The following DCDC2 variants were observed in gnomAD, a reference collection of about 807,000 sequenced individuals.
DCDC2 encodes the protein doublecortin domain containing 2.
Under a neutral mutation model 50.2 loss-of-function variants are expected in DCDC2, and 40 were observed. The ratio of observed to expected loss-of-function variants is 0.80; its 90% CI spans 0.62 to 1.04. The LOEUF is 1.04. Ranked by LOEUF, DCDC2 falls within the 50% of genes least tolerant of loss-of-function variation. DCDC2 has a pLI of 0.00. For synonymous variants in DCDC2, 234 were observed against 210.6 expected (o/e 1.11, Z -0.96); for missense variants, 570 against 581.9 (o/e 0.98, Z 0.21).
chr6:24,317,862 T>TA (rs533674010), intron 2 of DCDC2, among the ~76,000 whole-genome samples: 3 of 151,784 alleles, frequency 2.0e-5, no homozygotes, highest in African/African-American at 4.8e-5. Context: ...TTCATGTTTT[T>TA]AAAAAAAATC....
chr6:24,246,002 TTTTA>T (rs986777976), intron 7 of DCDC2, among the ~76,000 whole-genome samples: 6 of 152,166 alleles, frequency 3.9e-5, no homozygotes, highest in African/African-American at 1.4e-4. Context: ...TTATTTTTAT[TTTTA>T]TTTATTTATT....
chr6:24,323,697 T>G (rs77850756), intron 2 of DCDC2, among the ~76,000 whole-genome samples: 1,863 of 152,280 alleles, frequency 0.012, 42 homozygotes, highest in African/African-American at 0.041. Flanking sequence ...CAAGCACAAG[T>G]ATGTACTTAC....
At chr6:24,267,918 GA>G (rs1042754248) in intron 7 of DCDC2, among the ~76,000 whole-genome samples, 5 of 152,246 alleles carry the variant, frequency 3.3e-5, no homozygotes, top group African/African-American at 1.2e-4. Context: ...ATTTTCATCA[GA>G]AATTCCCCAA....
intron 8 of DCDC2, among the ~76,000 whole-genome samples, chr6:24,196,193 T>A (rs996512845): frequency 7.2e-6 from 1 of 138,444 alleles, no homozygotes; most frequent in African/African-American, 2.8e-5. Flanking sequence ...TAATTAGGAT[T>A]TTTTTTTTCC....
intron 1 of DCDC2, among the ~76,000 whole-genome samples, chr6:24,356,643 A>C (rs1760472526): frequency 5.8e-4 from 2 of 3,430 alleles, no homozygotes; most frequent in African/African-American, 6.8e-4. Flanking sequence ...ACATAACTTT[A>C]TTTTTCTATG....
chr6:24,217,886 C>G lies in DCDC2; in HGVS notation c.923-12784G>C, dbSNP rs556893390. Among the ~76,000 whole-genome samples the G allele has an allele frequency of 3.3e-5, 5 of 152,276 alleles. No homozygotes were observed. In the South Asian group the frequency reaches 1.0e-3, roughly 32 times the overall value. On this transcript the variant is annotated intron_variant, in intron 7 of 9. Coordinates refer to ENST00000378454, the MANE Select transcript of DCDC2 (RefSeq NM_016356.5). ...AGAAGTTATAATGTACTCAGTTTAG[C>G]ATATCTGTTCTGACTATGCATAAAG...
chr6:24,230,324 T>C (rs554246121), intron 7 of DCDC2, among the ~76,000 whole-genome samples: 19 of 151,826 alleles, frequency 1.3e-4, no homozygotes, highest in Non-Finnish European at 2.2e-4. Flanking sequence ...AATACAGTAG[T>C]AATTGAAAAC....
At chr6:24,197,536 C>A (rs969700538) in intron 8 of DCDC2, among the ~76,000 whole-genome samples, 1 of 152,146 alleles carries the variant, frequency 6.6e-6, no homozygotes, top group African/African-American at 2.4e-5. Flanking sequence ...GTTTCACTTT[C>A]CCTCAGGAAA....
chr6:24,315,927 G>C (rs1418031888), intron 2 of DCDC2, among the ~76,000 whole-genome samples: 1 of 152,190 alleles, frequency 6.6e-6, no homozygotes, highest in Non-Finnish European at 1.5e-5. Context: ...AGCTTTTCCT[G>C]GGGGATGACT....
rs115323069 is a variant in DCDC2, at chr6:24,314,665, T to C, written c.349-12621A>G. ...ACTGTTTAAAAAAATGAACATTGAC[T>C]AGATCAGCTAGGTTTTTAATATAAT... is the stretch of plus-strand genomic sequence containing the variant. On this transcript the variant is annotated intron_variant, in intron 2 of 9. Coordinates refer to ENST00000378454, the MANE Select transcript of DCDC2 (RefSeq NM_016356.5). Among the ~76,000 whole-genome samples, 876 of 152,214 alleles carry C rather than the reference T, an allele frequency of 5.8e-3. 4 individuals are homozygous for C. Among genetic ancestry groups the C allele is most frequent in the South Asian group, 0.011 (54 of 4,826 alleles).
chr6:24,319,651 C>T (rs1352446021), intron 2 of DCDC2, among the ~76,000 whole-genome samples: 1 of 152,088 alleles, frequency 6.6e-6, no homozygotes, highest in Non-Finnish European at 1.5e-5. Flanking sequence ...GTATGCTACC[C>T]TACATATAGG....
chr6:24,331,937 T>C (rs1285275337), intron 2 of DCDC2, among the ~76,000 whole-genome samples: 1 of 152,212 alleles, frequency 6.6e-6, no homozygotes, highest in African/African-American at 2.4e-5. Context: ...ATTTTTTAAG[T>C]GTATTTAATT....
At chr6:24,232,859 C>T (rs1762366752) in intron 7 of DCDC2, among the ~76,000 whole-genome samples, 1 of 151,930 alleles carries the variant, frequency 6.6e-6, no homozygotes, top group East Asian at 1.9e-4. Flanking sequence ...TTGTTTCATG[C>T]TGTACTTCCT....
At chr6:24,291,200 T>C (rs1406394879) in intron 4 of DCDC2, 122 bp from the exon 5 acceptor site, 2 of 979,330 alleles carry the variant, frequency 2.0e-6, no homozygotes, top group African/African-American at 1.7e-5. Flanking sequence ...AAACATTCTG[T>C]ACTTAATTTA....
At chr6:24,254,630 G>T (rs1472612972) in intron 7 of DCDC2, among the ~76,000 whole-genome samples, 2 of 152,212 alleles carry the variant, frequency 1.3e-5, no homozygotes, top group South Asian at 4.1e-4. Flanking sequence ...TTTTTACAAT[G>T]AAGTGAAAGT....
At chr6:24,266,883 A>T (rs890949899) in intron 7 of DCDC2, among the ~76,000 whole-genome samples, 2 of 152,232 alleles carry the variant, frequency 1.3e-5, no homozygotes, top group African/African-American at 2.4e-5. Context: ...TATTCACAGT[A>T]GACATGATTT....
Position 24,172,474 on chromosome 6 carries a change from G to T in DCDC2, c.*2256C>A, listed in dbSNP as rs1760800809. 1.3e-5 allele frequency: 2 copies of T among 151,946 alleles called. No individual in the cohort carries two copies. The highest frequency in any genetic ancestry group is 4.8e-5 in the African/African-American group (2 of 41,362). 9.4% of individuals were successfully genotyped at this position (151,946 alleles called of 1,614,324 possible). A position where few individuals can be genotyped will look rare whatever the true frequency, so the allele number is the denominator to read the frequency against. On this transcript the variant is annotated 3_prime_UTR_variant, in exon 10 of 10. Transcript: ENST00000378454. ...GTGCTTCATTAAAATGACGCTTAAG[G>T]TGTTTCCTAAAACCTAAGTTTCATA...
chr6:24,254,943 G>A (rs1341911924), intron 7 of DCDC2, among the ~76,000 whole-genome samples: 3 of 152,154 alleles, frequency 2.0e-5, no homozygotes, highest in East Asian at 3.9e-4. Context: ...TGTTTTGGAG[G>A]AAATTGGGAA....
chr6:24,202,398 T>C (rs1761608692), intron 8 of DCDC2, among the ~76,000 whole-genome samples: 1 of 152,106 alleles, frequency 6.6e-6, no homozygotes, highest in Non-Finnish European at 1.5e-5. Flanking sequence ...ATTATCTCAA[T>C]AGATGCAGAA....
Sources: gnomAD v4.1 joint callset for allele counts (sites outside exome capture counted in the v4.1 genomes callset) on GRCh38, gnomAD v4.1.1 for gene constraint, MANE v1.5 for transcripts, NCBI Gene and HGNC (gene_info 2026-07-23, HGNC 2026-07-21) for gene names.